The following ANGPT1 variants were observed in gnomAD, a reference collection of about 807,000 sequenced individuals.
The protein encoded by ANGPT1 is angiopoietin-1.
In ANGPT1, 17 loss-of-function variants were observed where a neutral mutation model predicts 62.2. That is an observed-to-expected ratio of 0.27 (90% CI 0.19 to 0.41). The LOEUF (loss-of-function observed/expected upper bound fraction) is 0.41, where lower values mean the gene tolerates loss of function less well. ANGPT1 is among the 10% of genes least tolerant of loss of function. ANGPT1 has a pLI of 1.00. For synonymous variants in ANGPT1, 199 were observed against 198.9 expected, an observed-to-expected ratio of 1.00 and a Z score of 0.00; for missense variants, 478 against 594.9, an observed-to-expected ratio of 0.80 and a Z score of 2.04.
At chr8:107,481,271 A>T (rs1259800630) in intron 1 of ANGPT1, among the ~76,000 whole-genome samples, 1 of 152,136 alleles carries the variant, frequency 6.6e-6, no homozygotes, top group Admixed American at 6.6e-5. Flanking sequence ...GAGGTGGCTC[A>T]TGCCTGTAAT....
At chr8:107,270,202 C>G (rs1813706499) in intron 7 of ANGPT1, among the ~76,000 whole-genome samples, 2 of 151,982 alleles carry the variant, frequency 1.3e-5, no homozygotes, top group Admixed American at 1.3e-4. Context: ...GCATCTTCAC[C>G]ATACTCAGGT....
chr8:107,264,094 A>T (rs1454429933), intron 8 of ANGPT1, 127 bp downstream of exon 8: 1 of 1,216,354 alleles, frequency 8.2e-7, no homozygotes, highest in African/African-American at 1.6e-5. Flanking sequence ...TGGGCAGAAC[A>T]AAATGATCTC....
rs869079818 is a variant in ANGPT1 at position 107,423,827 on chromosome 8, CTTTTTTTTTT to C, written c.297+73425_297+73434del. The stretch of plus-strand genomic sequence containing the variant: ...TTCAGGTACCTTTTCCTTTTCCTTT[CTTTTTTTTTT>C]TTTTTTTTTTTTTTTTTTTCTGAGA... On this transcript the variant is annotated intron_variant, in intron 1 of 8. Transcript: ENST00000517746. 6.8e-4 allele frequency among the ~76,000 whole-genome samples: 51 copies of C among 74,474 alleles called. 1 individual carries two copies. The highest frequency in any genetic ancestry group is 1.7e-3 in the African/African-American group (30 of 17,596). 48.9% of individuals were successfully genotyped at this position (74,474 alleles called of 152,430 possible). A position where few individuals can be genotyped will look rare whatever the true frequency, so the allele number is the denominator to read the frequency against.
chr8:107,375,866 A>G (rs1314316980), intron 1 of ANGPT1, among the ~76,000 whole-genome samples: 2 of 152,198 alleles, frequency 1.3e-5, no homozygotes, highest in African/African-American at 4.8e-5. Context: ...CTGAGTGTGC[A>G]GTTTTAAAGC....
At chr8:107,397,218 C>T (rs1330895925) in intron 1 of ANGPT1, among the ~76,000 whole-genome samples, 1 of 152,100 alleles carries the variant, frequency 6.6e-6, no homozygotes, top group African/African-American at 2.4e-5. Flanking sequence ...AGGAAATATG[C>T]ATATATGTAT....
intron 1 of ANGPT1, among the ~76,000 whole-genome samples, chr8:107,452,142 C>G (rs544446827): frequency 2.0e-5 from 3 of 151,510 alleles, no homozygotes. Flanking sequence ...CCTTCTGACA[C>G]GATGTCTACC....
intron 1 of ANGPT1, among the ~76,000 whole-genome samples, chr8:107,386,915 TA>T (rs1451928353): frequency 6.6e-6 from 1 of 152,236 alleles, no homozygotes; most frequent in East Asian, 1.9e-4. Context: ...TAACGTGATA[TA>T]ATTGTATTAT....
At chr8:107,318,766 C>T (rs779915234) in intron 4 of ANGPT1, among the ~76,000 whole-genome samples, 3 of 151,906 alleles carry the variant, frequency 2.0e-5, no homozygotes, top group Non-Finnish European at 2.9e-5. Context: ...TACATGTATA[C>T]ACTGCAGAAT....
At chr8:107,347,418 G>T (rs1219017580) in intron 1 of ANGPT1, among the ~76,000 whole-genome samples, 1 of 132,806 alleles carries the variant, frequency 7.5e-6, no homozygotes, top group Non-Finnish European at 1.5e-5. Flanking sequence ...TTATTGTTTT[G>T]TTTATTTTAT....
At chr8:107,370,368 G>GAAAA (rs1563590995) in intron 1 of ANGPT1, among the ~76,000 whole-genome samples, 613 of 33,916 alleles carry the variant, frequency 0.018, 87 homozygotes, top group Non-Finnish European at 0.045. Context: ...AAGAAAGAAA[G>GAAAA]AAAGAAAGAA....
chr8:107,491,600 A>G lies in ANGPT1; in HGVS notation c.297+5662T>C, dbSNP rs937810211. On this transcript the variant is annotated intron_variant, in intron 1 of 8. Coordinates refer to ENST00000517746, the MANE Select transcript of ANGPT1 (RefSeq NM_001146.5). ...GAAGAATTTTCTGAGCTGAGTAAACAGCTTGTAAAGTCCCTGAGGCAGGAA... is the reference window on the plus strand; with the variant it reads ...GAAGAATTTTCTGAGCTGAGTAAACGGCTTGTAAAGTCCCTGAGGCAGGAA... 8.5e-5 allele frequency among the ~76,000 whole-genome samples: 13 copies of G among 152,188 alleles called. No individual in the cohort carries two copies. The South Asian group carries it at 2.7e-3, about 32-fold the overall frequency.
chr8:107,348,627 T>C lies in ANGPT1; in HGVS notation c.298-1530A>G, dbSNP rs531382653. ...CTGAAAATTATCAAAATGTAAGGCC[T>C]GTAGGCCAAATCTTGACTTTATTCC... On this transcript the variant is annotated intron_variant, in intron 1 of 8. Transcript: ENST00000517746. Among the ~76,000 whole-genome samples the C allele has an allele frequency of 1.2e-4, 19 of 152,328 alleles. No homozygotes were observed. In the South Asian group the frequency reaches 3.7e-3, roughly 30 times the overall value.
chr8:107,406,162 T>G (rs1817144460), intron 1 of ANGPT1, among the ~76,000 whole-genome samples: 1 of 151,890 alleles, frequency 6.6e-6, no homozygotes, highest in Non-Finnish European at 1.5e-5. Context: ...TGTGTTTGAG[T>G]CTAACCATTT....
chr8:107,426,552 T>C (rs748013066), intron 1 of ANGPT1, among the ~76,000 whole-genome samples: 2 of 152,156 alleles, frequency 1.3e-5, no homozygotes, highest in African/African-American at 2.4e-5. Context: ...AATATGCTGG[T>C]TAATTTTGTG....
At chr8:107,317,069 C>A (rs1229168802) in intron 4 of ANGPT1, among the ~76,000 whole-genome samples, 1 of 152,184 alleles carries the variant, frequency 6.6e-6, no homozygotes, top group Non-Finnish European at 1.5e-5. Flanking sequence ...CTGGATTCTG[C>A]CCTTATCCTT....
chr8:107,288,641 A>T (rs1453642598), intron 6 of ANGPT1, among the ~76,000 whole-genome samples: 1 of 152,130 alleles, frequency 6.6e-6, no homozygotes, highest in Non-Finnish European at 1.5e-5. Flanking sequence ...ATCCATATAA[A>T]TATGATGTGG....
chr8:107,447,746 T>C (rs1247597566), intron 1 of ANGPT1, among the ~76,000 whole-genome samples: 5 of 152,186 alleles, frequency 3.3e-5, no homozygotes, highest in Non-Finnish European at 7.4e-5. Context: ...CAATGAAATA[T>C]TCTGTAGGGT....
At chr8:107,450,705 G>GGTCTGT (rs1554595533) in intron 1 of ANGPT1, among the ~76,000 whole-genome samples, 3 of 142,292 alleles carry the variant, frequency 2.1e-5, no homozygotes, top group Non-Finnish European at 4.6e-5. Flanking sequence ...AATGGGAATA[G>GGTCTGT]GTGTGTGTGT....
chr8:107,492,538 T>C (rs955297526), intron 1 of ANGPT1, among the ~76,000 whole-genome samples: 7 of 152,164 alleles, frequency 4.6e-5, no homozygotes, highest in African/African-American at 1.2e-4. Flanking sequence ...GGTTTCGCCA[T>C]GTTGGCCAGG....
Sources: allele counts gnomAD v4.1 joint callset (sites outside exome capture counted in the v4.1 genomes callset), GRCh38; gene constraint gnomAD v4.1.1; transcripts MANE v1.5; gene names NCBI Gene and HGNC (gene_info 2026-07-23, HGNC 2026-07-21).